Variants in NOS1AP observed in about 807,000 individuals in gnomAD.
NOS1AP encodes the protein carboxyl-terminal PDZ ligand of neuronal nitric oxide synthase protein.
Under a neutral mutation model 56.2 loss-of-function variants are expected in NOS1AP, and 21 were observed. That is an observed-to-expected ratio of 0.37 (90% CI 0.26 to 0.54). The LOEUF is 0.54. NOS1AP is among the 20% of genes least tolerant of loss of function. NOS1AP has a pLI of 0.84. For missense variants in NOS1AP, 522 were observed against 657.8 expected (o/e 0.79, Z 2.26); for synonymous variants, 270 against 274.6 (o/e 0.98, Z 0.17).
chr1:162,072,826 A>G (rs1046895628), intron 1 of NOS1AP, among the ~76,000 whole-genome samples: 2 of 152,230 alleles, frequency 1.3e-5, no homozygotes, highest in Non-Finnish European at 2.9e-5. Flanking sequence ...GCAACTGCAC[A>G]ATCACTGGGA....
At chr1:162,124,867 T>G (rs948056585) in intron 1 of NOS1AP, among the ~76,000 whole-genome samples, 8 of 152,164 alleles carry the variant, frequency 5.3e-5, no homozygotes, top group Non-Finnish European at 1.0e-4. Context: ...TGATGGGCAC[T>G]TAGGTTGATT....
chr1:162,269,299 A>G (rs1654514935), intron 2 of NOS1AP, among the ~76,000 whole-genome samples: 1 of 152,198 alleles, frequency 6.6e-6, no homozygotes, highest in Non-Finnish European at 1.5e-5. Context: ...ATCAAATATA[A>G]TATCCTCATC....
chr1:162,145,770 C>T (rs910146548), intron 1 of NOS1AP, among the ~76,000 whole-genome samples: 13 of 152,108 alleles, frequency 8.5e-5, no homozygotes, highest in African/African-American at 3.1e-4. Flanking sequence ...TAGGCACGAC[C>T]AGGGTATCAG....
intron 2 of NOS1AP, among the ~76,000 whole-genome samples, chr1:162,247,504 C>A (rs1237269651): frequency 2.0e-5 from 3 of 152,126 alleles, no homozygotes; most frequent in Non-Finnish European, 4.4e-5. Context: ...GCTTATTTTG[C>A]AAGATGAGTT....
chr1:162,135,315 T>C (rs1037885012), intron 1 of NOS1AP, among the ~76,000 whole-genome samples: 3 of 152,200 alleles, frequency 2.0e-5, no homozygotes, highest in Admixed American at 2.0e-4. Context: ...TGCAGGCTAC[T>C]CAAGGACAGT....
intron 8 of NOS1AP, chr1:162,360,767 T>C: frequency 2.2e-6 from 1 of 455,990 alleles, no homozygotes; most frequent in Non-Finnish European, 4.4e-6. Context: ...GTCCCTGCCA[T>C]GTGCATGCTG....
At chr1:162,113,257 C>A (rs541697501) in intron 1 of NOS1AP, among the ~76,000 whole-genome samples, 2 of 152,098 alleles carry the variant, frequency 1.3e-5, no homozygotes, top group African/African-American at 2.4e-5. Context: ...CCATAGTAAG[C>A]ACAATTGTTG....
chr1:162,280,760 A>G (rs534698872), intron 2 of NOS1AP, among the ~76,000 whole-genome samples: 129 of 152,330 alleles, frequency 8.5e-4, no homozygotes, highest in Non-Finnish European at 1.6e-3. Context: ...TAATATATCT[A>G]TTGCAAAAAT....
intron 2 of NOS1AP, among the ~76,000 whole-genome samples, chr1:162,179,689 G>A (rs1006780561): frequency 5.3e-5 from 8 of 152,194 alleles, no homozygotes; most frequent in African/African-American, 1.9e-4. Flanking sequence ...GTGGATGAGT[G>A]GGGAGGGAAA....
At chr1:162,161,146 C>T (rs1335422457) in intron 2 of NOS1AP, among the ~76,000 whole-genome samples, 2 of 152,256 alleles carry the variant, frequency 1.3e-5, no homozygotes, top group Non-Finnish European at 2.9e-5. Flanking sequence ...GGTCCCTCCT[C>T]ATTCTTCCTT....
At chr1:162,301,773 G>T (rs114979216) in intron 4 of NOS1AP, among the ~76,000 whole-genome samples, 1,966 of 152,290 alleles carry the variant, frequency 0.013, 19 homozygotes, top group Non-Finnish European at 0.02. Flanking sequence ...ATTTGGGGAC[G>T]TAGATTTAGG....
chr1:162,268,148 A>G (rs780929074), intron 2 of NOS1AP, among the ~76,000 whole-genome samples: 7 of 151,916 alleles, frequency 4.6e-5, no homozygotes, highest in Admixed American at 6.6e-5. Context: ...AATCCCAGCT[A>G]TTCGGGAGAG....
chr1:162,360,752 C>T, intron 8 of NOS1AP: 1 of 454,848 alleles, frequency 2.2e-6, no homozygotes, highest in South Asian at 1.6e-5. Context: ...GCATGCACTG[C>T]CCAAGTCCCT....
chr1:162,333,992 A>G (rs1656859438), intron 5 of NOS1AP, among the ~76,000 whole-genome samples: 1 of 152,158 alleles, frequency 6.6e-6, no homozygotes, highest in Non-Finnish European at 1.5e-5. Flanking sequence ...GCCCCTAAGG[A>G]CCCTAGTAAG....
intron 1 of NOS1AP, among the ~76,000 whole-genome samples, chr1:162,132,286 GA>G (rs1240691525): frequency 6.6e-6 from 1 of 152,192 alleles, no homozygotes; most frequent in Non-Finnish European, 1.5e-5. Context: ...CACATTGGAG[GA>G]AATGCAACTC....
At chr1:162,281,929 G>A (rs750349367) in intron 2 of NOS1AP, among the ~76,000 whole-genome samples, 7 of 152,148 alleles carry the variant, frequency 4.6e-5, no homozygotes, top group Non-Finnish European at 1.0e-4. Context: ...GTGAAACCCC[G>A]TTTCTACTTA....
At chr1:162,289,848 A>G (rs1325752722) in intron 3 of NOS1AP, among the ~76,000 whole-genome samples, 2 of 152,080 alleles carry the variant, frequency 1.3e-5, no homozygotes, top group Non-Finnish European at 2.9e-5. Flanking sequence ...AGGTATCTTC[A>G]TACACCTCTG....
At chr1:162,300,507 ACTCCAGGC>A (rs1348586022) in intron 3 of NOS1AP, 118 bp from the exon 4 acceptor site, 11 of 814,490 alleles carry the variant, frequency 1.4e-5, no homozygotes, top group South Asian at 1.2e-4. Context: ...GGAGCAATCA[ACTCCAGGC>A]CTCTTAGAGG....
chr1:162,308,140 AAGT>A (rs1655902418), intron 4 of NOS1AP, among the ~76,000 whole-genome samples: 1 of 152,252 alleles, frequency 6.6e-6, no homozygotes, highest in African/African-American at 2.4e-5. Flanking sequence ...CAAATTTGGA[AAGT>A]AGACCCATTC....
Sources: allele counts gnomAD v4.1 joint callset (sites outside exome capture counted in the v4.1 genomes callset), GRCh38; gene constraint gnomAD v4.1.1; transcripts MANE v1.5; gene names NCBI Gene and HGNC (gene_info 2026-07-23, HGNC 2026-07-21).